The following NUS1 variants were observed in gnomAD, a reference collection of about 807,000 sequenced individuals.
NUS1 encodes the protein NUS1 dehydrodolichyl diphosphate synthase subunit.
For missense variants in NUS1, 292 were observed against 382.9 expected (o/e 0.76, Z 1.98); for synonymous variants, 135 against 155.2 (o/e 0.87, Z 0.97).
At chr6:117,678,836 C>A (rs1357393314) in intron 1 of NUS1, among the ~76,000 whole-genome samples, 1 of 151,924 alleles carries the variant, frequency 6.6e-6, no homozygotes, top group African/African-American at 2.4e-5. Context: ...TGCGCGCCAC[C>A]CCGCCCTGCT....
chr6:117,703,153 G>A (rs1183960277), intron 3 of NUS1, among the ~76,000 whole-genome samples: 1 of 152,110 alleles, frequency 6.6e-6, no homozygotes, highest in Non-Finnish European at 1.5e-5. Flanking sequence ...CATGAGGGAA[G>A]GAAGGAGAAT....
chr6:117,675,531 T>G lies in NUS1; in HGVS notation c.-140T>G, dbSNP rs1772955536. Reference sequence around the variant, plus strand: ...ATGGCGGCGGGGGCGAGGTGAGGTGTTGGCAGTGGAAAGGGGTTCGGGCTC... The same window carrying G: ...ATGGCGGCGGGGGCGAGGTGAGGTGGTGGCAGTGGAAAGGGGTTCGGGCTC... On this transcript the variant is annotated 5_prime_UTR_variant, in exon 1 of 5. Transcript: ENST00000368494. The G allele has an allele frequency of 5.9e-5, 47 of 792,346 alleles. 2 individuals are homozygous for G. The South Asian group carries it at 7.7e-4, about 13-fold the overall frequency. 49.1% of individuals were successfully genotyped at this position (792,346 alleles called of 1,614,324 possible).
At chr6:117,690,365 C>T (rs1459336934) in intron 1 of NUS1, among the ~76,000 whole-genome samples, 1 of 152,100 alleles carries the variant, frequency 6.6e-6, no homozygotes, top group East Asian at 1.9e-4. Flanking sequence ...TCTTACTAAT[C>T]GTTATTCTTG....
chr6:117,701,245 C>CTT (rs1181868381), intron 3 of NUS1, among the ~76,000 whole-genome samples: 36 of 120,662 alleles, frequency 3.0e-4, no homozygotes, highest in East Asian at 1.6e-3. Flanking sequence ...TTCTAATTTT[C>CTT]TTTTTTTTTT....
At chr6:117,706,492 AG>A (rs1366408402) in intron 4 of NUS1, among the ~76,000 whole-genome samples, 1 of 152,224 alleles carries the variant, frequency 6.6e-6, no homozygotes, top group African/African-American at 2.4e-5. Context: ...TCTCATTACT[AG>A]TTGCTTTTCT....
chr6:117,684,563 T>C (rs933529492), intron 1 of NUS1, among the ~76,000 whole-genome samples: 1 of 152,196 alleles, frequency 6.6e-6, no homozygotes, highest in Non-Finnish European at 1.5e-5. Flanking sequence ...TTTGATGGCA[T>C]CATTTGGACT....
chr6:117,703,586 G>A lies in NUS1; in HGVS notation c.692-19G>A, dbSNP rs754104717. 5.7e-5 allele frequency: 89 copies of A among 1,564,436 alleles called. No homozygotes were observed. The highest frequency in any genetic ancestry group is 7.6e-5 in the Non-Finnish European group (86 of 1,135,126). On this transcript the variant is annotated intron_variant, in intron 3 of 4. Coordinates refer to ENST00000368494, the MANE Select transcript of NUS1 (RefSeq NM_138459.5). ...CATGCAGTGCATGTTAAGTTCATGT[G>A]TATTTATTTATTTCCAAGGTTCAAA...
At chr6:117,700,070 G>C (rs897463508) in intron 3 of NUS1, among the ~76,000 whole-genome samples, 2 of 152,048 alleles carry the variant, frequency 1.3e-5, no homozygotes, top group Admixed American at 6.6e-5. Flanking sequence ...GAAAACACTG[G>C]GGAAGCTCTC....
intron 1 of NUS1, among the ~76,000 whole-genome samples, chr6:117,687,141 C>T (rs1370105429): frequency 6.6e-6 from 1 of 152,128 alleles, no homozygotes; most frequent in African/African-American, 2.4e-5. Flanking sequence ...CATTTTGTAA[C>T]TGTGTCTCTC....
chr6:117,684,586 C>T (rs949756270), intron 1 of NUS1, among the ~76,000 whole-genome samples: 16 of 152,112 alleles, frequency 1.1e-4, no homozygotes, highest in African/African-American at 3.9e-4. Context: ...ATAAAACCCT[C>T]CAACAGCTTC....
At chr6:117,686,862 G>A (rs1251706956) in intron 1 of NUS1, among the ~76,000 whole-genome samples, 2 of 109,904 alleles carry the variant, frequency 1.8e-5, no homozygotes, top group Non-Finnish European at 4.1e-5. Context: ...ATGTGTGTGT[G>A]TGTGTGTGTG....
rs554824440 is a variant in NUS1 at position 117,680,426 on chromosome 6, G to A, written c.415+4341G>A. ...ATCTGGATATGTATTGTTATCTTAA[G>A]TGATGGAACTTGTTCTTATTTCCTG... On this transcript the variant is annotated intron_variant, in intron 1 of 4. Coordinates refer to ENST00000368494, the MANE Select transcript of NUS1 (RefSeq NM_138459.5). 2.6e-5 allele frequency among the ~76,000 whole-genome samples: 4 copies of A among 152,320 alleles called. No homozygotes were observed. In the East Asian group the frequency reaches 7.7e-4, roughly 29 times the overall value.
At chr6:117,697,343 ACT>A (rs1582473487) in intron 3 of NUS1, among the ~76,000 whole-genome samples, 1 of 152,146 alleles carries the variant, frequency 6.6e-6, no homozygotes, top group East Asian at 1.9e-4. Flanking sequence ...AGTAGACTAA[ACT>A]CTTCAAAAGA....
chr6:117,694,236 G>A, intron 3 of NUS1, 56 bp downstream of exon 3: 1 of 1,026,338 alleles, frequency 9.7e-7, no homozygotes, highest in Non-Finnish European at 1.3e-6. Flanking sequence ...TGTGTGTTTA[G>A]TTTTGTCACA....
rs1388865488 is a variant in NUS1 at position 117,707,216 on chromosome 6, T to C, written c.*201T>C. 8.0e-6 allele frequency: 4 copies of C among 502,074 alleles called. No individual in the cohort carries two copies. Among genetic ancestry groups the C allele is most frequent in the African/African-American group, 1.9e-5 (1 of 51,436 alleles). 31.1% of individuals were successfully genotyped at this position (502,074 alleles called of 1,614,324 possible). On this transcript the variant is annotated 3_prime_UTR_variant, in exon 5 of 5. Transcript: ENST00000368494. ...ACGTGCACACATGTGCACGTTTGTA[T>C]GTATGGAAATAAACTTATAAATGGG...
intron 4 of NUS1, among the ~76,000 whole-genome samples, chr6:117,705,959 T>A (rs1411194573): frequency 1.3e-5 from 2 of 152,148 alleles, no homozygotes; most frequent in Admixed American, 1.3e-4. Flanking sequence ...AAGAAAAGTA[T>A]AGCTAAAGAC....
intron 3 of NUS1, among the ~76,000 whole-genome samples, chr6:117,701,217 T>C (rs1773402898): frequency 6.6e-6 from 1 of 151,258 alleles, no homozygotes; most frequent in African/African-American, 2.4e-5. Context: ...TCATAGTATA[T>C]TTCTCCATTT....
At chr6:117,706,525 AT>A (rs1438199103) in intron 4 of NUS1, among the ~76,000 whole-genome samples, 2 of 152,174 alleles carry the variant, frequency 1.3e-5, no homozygotes, top group Non-Finnish European at 2.9e-5. Flanking sequence ...AGGCATATTA[AT>A]TTTTTAGTTG....
intron 1 of NUS1, among the ~76,000 whole-genome samples, chr6:117,688,429 T>C (rs1260542274): frequency 2.0e-5 from 3 of 149,496 alleles, no homozygotes; most frequent in Non-Finnish European, 4.5e-5. Context: ...TTTTTAGAAA[T>C]AGAGCGTCAA....
Sources: allele counts gnomAD v4.1 joint callset (sites outside exome capture counted in the v4.1 genomes callset), GRCh38; gene constraint gnomAD v4.1.1; transcripts MANE v1.5; gene names NCBI Gene and HGNC (gene_info 2026-07-23, HGNC 2026-07-21).